GLUD1: variants seen among roughly 807,000 people sequenced by gnomAD.
GLUD1 encodes glutamate dehydrogenase 1, mitochondrial.
Under a neutral mutation model 56.0 loss-of-function variants are expected in GLUD1, and 22 were observed. The ratio of observed to expected loss-of-function variants is 0.39; its 90% CI spans 0.28 to 0.56. The LOEUF (loss-of-function observed/expected upper bound fraction) is 0.56, where lower values mean the gene tolerates loss of function less well. Among genes scored for constraint, GLUD1 ranks in the 20% least tolerant of loss-of-function variants. The pLI is 0.58. For missense variants in GLUD1, 451 were observed against 732.0 expected, an observed-to-expected ratio of 0.62 and a Z score of 4.43; for synonymous variants, 223 against 269.9, an observed-to-expected ratio of 0.83 and a Z score of 1.70.
At chr10:87,089,603 G>GA (rs1236211227) in intron 1 of GLUD1, 1 of 985,142 alleles carries the variant, frequency 1.0e-6, no homozygotes, top group African/African-American at 1.7e-5. Context: ...CAGAATGTGT[G>GA]TGGCTGCAGA....
chr10:87,069,353 A>G lies in GLUD1; in HGVS notation c.647-1196T>C, dbSNP rs563000658. On this transcript the variant is annotated intron_variant, in intron 4 of 12. Transcript: ENST00000277865. ...AACATGGTGAAACCCTGCCTTTACTAAAAATACAAAAATTAGCCGGGCGTG... is the reference window on the plus strand; with the variant it reads ...AACATGGTGAAACCCTGCCTTTACTGAAAATACAAAAATTAGCCGGGCGTG... 2.6e-5 allele frequency among the ~76,000 whole-genome samples: 4 copies of G among 152,060 alleles called. No homozygotes were observed. The East Asian group carries it at 7.7e-4, about 29-fold the overall frequency.
Position 87,051,666 on chromosome 10 carries a change from G to T in GLUD1, c.*85C>A. The T allele has an allele frequency of 7.0e-7, 1 of 1,423,718 alleles. No homozygotes were observed. Among genetic ancestry groups the T allele is most frequent in the Non-Finnish European group, 9.9e-7 (1 of 1,008,230 alleles). 88.2% of individuals were successfully genotyped at this position (1,423,718 alleles called of 1,614,324 possible). ...TTATTAATGAGTCAGGAGAGAAAGG[G>T]ATTTCTGTGGTTACATGTAAACTTG... On this transcript the variant is annotated 3_prime_UTR_variant, in exon 13 of 13. Coordinates refer to ENST00000277865, the MANE Select transcript of GLUD1 (RefSeq NM_005271.5).
Position 87,068,113 on chromosome 10 carries a change from G to A in GLUD1, c.691C>T (p.Arg231Trp), listed in dbSNP as rs759442501. The change falls in exon 5 of 13, where the codon CGG becomes TGG. Residue 231 changes from arginine to tryptophan, a missense_variant. Coordinates refer to ENST00000277865, the MANE Select transcript of GLUD1 (RefSeq NM_005271.5). ...VPAPDMSTGE[R>W]EMSWIADTYA... The stretch of plus-strand genomic sequence containing the variant: ...GTATCAGCGATCCAGGACATCTCCC[G>A]CTCACCTGTGCTCATGTCTGGAGCA... The A allele has an allele frequency of 1.9e-6, 3 of 1,613,348 alleles. No individual in the cohort carries two copies. Among genetic ancestry groups the A allele is most frequent in the Non-Finnish European group, 2.5e-6 (3 of 1,179,286 alleles).
intron 9 of GLUD1, 109 bp downstream of exon 9, chr10:87,060,052 A>C: frequency 1.3e-6 from 1 of 768,514 alleles, no homozygotes; most frequent in Non-Finnish European, 2.4e-6. Flanking sequence ...GAAAAAGATG[A>C]ATTCACTAGA....
At chr10:87,075,924 A>AAAC (rs762147474) in intron 3 of GLUD1, 44 bp downstream of exon 3, 5 of 1,337,020 alleles carry the variant, frequency 3.7e-6, no homozygotes, top group African/African-American at 2.9e-5. Context: ...AGAAAAACAA[A>AAAC]AACAACAACA....
At chr10:87,075,385 TAAAA>T (rs1407942605) in intron 3 of GLUD1, among the ~76,000 whole-genome samples, 1 of 151,638 alleles carries the variant, frequency 6.6e-6, no homozygotes, top group Non-Finnish European at 1.5e-5. Flanking sequence ...AAGAAAATAA[TAAAA>T]CAAAAAGCAA....
intron 5 of GLUD1, among the ~76,000 whole-genome samples, chr10:87,065,260 G>A (rs563329732): frequency 8.2e-6 from 1 of 121,830 alleles, no homozygotes; most frequent in Non-Finnish European, 1.6e-5. Context: ...GTGACAGAGT[G>A]AGACTCCGTC....
chr10:87,067,976 A>G, intron 5 of GLUD1, 87 bp downstream of exon 5: 1 of 782,412 alleles, frequency 1.3e-6, no homozygotes, highest in Non-Finnish European at 2.3e-6. Context: ...AAACCCAGGG[A>G]TTCTCAACTT....
At chr10:87,057,934 T>C in intron 10 of GLUD1, 152 bp from the exon 11 acceptor site, 1 of 623,682 alleles carries the variant, frequency 1.6e-6, no homozygotes, top group South Asian at 1.8e-5. Flanking sequence ...AGAGGCGTGA[T>C]CTCAGCTCAC....
chr10:87,057,462 C>G (rs1184505360), intron 11 of GLUD1, among the ~76,000 whole-genome samples: 3 of 152,120 alleles, frequency 2.0e-5, no homozygotes, highest in Non-Finnish European at 4.4e-5. Flanking sequence ...AAAACACGTG[C>G]GTGAAAAATA....
intron 6 of GLUD1, among the ~76,000 whole-genome samples, chr10:87,062,303 G>C (rs1053393872): frequency 6.6e-6 from 1 of 152,232 alleles, no homozygotes; most frequent in African/African-American, 2.4e-5. Context: ...ATTTGGGTCA[G>C]TGTGTAAACC....
intron 6 of GLUD1, 191 bp from the exon 7 acceptor site, chr10:87,061,243 C>T (rs140276410): frequency 2.1e-5 from 15 of 708,066 alleles, no homozygotes; most frequent in South Asian, 8.8e-5. Flanking sequence ...ATGTGATGAG[C>T]GGGCATGGTG....
At chr10:87,062,875 C>A in intron 5 of GLUD1, 40 bp from the exon 6 acceptor site, 1 of 1,571,490 alleles carries the variant, frequency 6.4e-7, no homozygotes, top group Non-Finnish European at 8.8e-7. Context: ...ATGTCAAGTC[C>A]AATTTCTCTG....
chr10:87,055,712 A>G (rs1044661402), intron 11 of GLUD1, among the ~76,000 whole-genome samples: 1 of 152,230 alleles, frequency 6.6e-6, no homozygotes, highest in Admixed American at 6.5e-5. Context: ...AACGGTTAGT[A>G]CCTAGAATGG....
chr10:87,091,843 GGA>G (rs1460510493), intron 1 of GLUD1, among the ~76,000 whole-genome samples: 1 of 151,906 alleles, frequency 6.6e-6, no homozygotes, highest in Non-Finnish European at 1.5e-5. Flanking sequence ...GTAAAAGGGT[GGA>G]GAGAGGCAGA....
chr10:87,078,433 T>C (rs774298235), intron 1 of GLUD1, among the ~76,000 whole-genome samples: 7 of 152,226 alleles, frequency 4.6e-5, no homozygotes, highest in Non-Finnish European at 7.3e-5. Context: ...TCATATCGTT[T>C]ATTATTACTG....
intron 5 of GLUD1, among the ~76,000 whole-genome samples, chr10:87,065,016 C>A (rs1846036160): frequency 6.6e-6 from 1 of 152,086 alleles, no homozygotes; most frequent in Non-Finnish European, 1.5e-5. Context: ...CTGTGTCCTT[C>A]CTTTAGGGCT....
chr10:87,055,482 G>A (rs1022969093), intron 11 of GLUD1, among the ~76,000 whole-genome samples: 2 of 152,172 alleles, frequency 1.3e-5, no homozygotes, highest in African/African-American at 4.8e-5. Flanking sequence ...AAAGGGAGGG[G>A]TGAACAGCCC....
intron 4 of GLUD1, among the ~76,000 whole-genome samples, chr10:87,070,398 A>G (rs1846199063): frequency 6.6e-6 from 1 of 152,192 alleles, no homozygotes; most frequent in Non-Finnish European, 1.5e-5. Context: ...CAAGAGAGAG[A>G]GACCATCCTG....
Sources: allele counts gnomAD v4.1 joint callset (sites outside exome capture counted in the v4.1 genomes callset), GRCh38; gene constraint gnomAD v4.1.1; transcripts MANE v1.5; gene names NCBI Gene and HGNC (gene_info 2026-07-23, HGNC 2026-07-21).